Variants in GRIA1 observed in about 807,000 individuals in gnomAD.
The protein encoded by GRIA1 is glutamate receptor 1.
GRIA1 carries 31 observed loss-of-function variants against 99.2 expected under a neutral mutation model. The ratio of observed to expected loss-of-function variants is 0.31; its 90% CI spans 0.23 to 0.42. The LOEUF is 0.42. GRIA1 is among the 10% of genes least tolerant of loss of function. The pLI is 1.00. For missense variants in GRIA1, 782 were observed against 1,157.5 expected (o/e 0.68, Z 4.71); for synonymous variants, 438 against 432.4 (o/e 1.01, Z -0.16).
At chr5:153,624,206 C>T (rs1006652261) in intron 2 of GRIA1, among the ~76,000 whole-genome samples, 1 of 152,174 alleles carries the variant, frequency 6.6e-6, no homozygotes, top group Admixed American at 6.5e-5. Flanking sequence ...AGAAGATGAC[C>T]TCCCCAAAAG....
intron 5 of GRIA1, among the ~76,000 whole-genome samples, chr5:153,672,180 A>G (rs1756236489): frequency 6.7e-6 from 1 of 150,006 alleles, no homozygotes; most frequent in South Asian, 2.1e-4. Flanking sequence ...AACTCACCTC[A>G]GGGTCATGCC....
In GRIA1 at chr5:153,673,321, C is replaced by G. The variant is rs78020863; in HGVS notation, c.700-1179C>G. ...AAGCATGACACTGCCCCTCCCCATCCTCTTACCTCACTTTATCCTTCATGG... is the reference window on the plus strand; with the variant it reads ...AAGCATGACACTGCCCCTCCCCATCGTCTTACCTCACTTTATCCTTCATGG... On this transcript the variant is annotated intron_variant, in intron 5 of 15. Transcript: ENST00000285900. Among the ~76,000 whole-genome samples the G allele has an allele frequency of 1.0e-3, 152 of 152,342 alleles. 1 individual carries two copies. The highest frequency in any genetic ancestry group is 3.6e-3 in the African/African-American group (149 of 41,586).
intron 2 of GRIA1, among the ~76,000 whole-genome samples, chr5:153,585,550 C>A (rs1763408710): frequency 6.6e-6 from 1 of 152,018 alleles, no homozygotes; most frequent in South Asian, 2.1e-4. Context: ...CTCAGGTGAT[C>A]CGCCCTCCTC....
intron 2 of GRIA1, among the ~76,000 whole-genome samples, chr5:153,580,918 A>G (rs1461972594): frequency 3.3e-5 from 5 of 152,186 alleles, no homozygotes; most frequent in African/African-American, 1.2e-4. Flanking sequence ...TCAACATTCT[A>G]ATAGGGCAGC....
At chr5:153,494,146 G>T in intron 2 of GRIA1, 81 bp downstream of exon 2, 1 of 1,459,514 alleles carries the variant, frequency 6.9e-7, no homozygotes, top group Non-Finnish European at 9.3e-7. Flanking sequence ...TGGTGGTGTT[G>T]CAAAAATGAC....
intron 2 of GRIA1, among the ~76,000 whole-genome samples, chr5:153,532,716 G>A (rs1758200075): frequency 6.6e-6 from 1 of 152,162 alleles, no homozygotes; most frequent in African/African-American, 2.4e-5. Flanking sequence ...ACCTTAACCT[G>A]AGGATCTTGG....
chr5:153,787,657 T>C (rs1267870296), intron 13 of GRIA1, among the ~76,000 whole-genome samples: 1 of 152,216 alleles, frequency 6.6e-6, no homozygotes, highest in African/African-American at 2.4e-5. Context: ...CATCCGTATA[T>C]GAATGCTTTA....
rs547366946 is a variant in GRIA1 at position 153,601,937 on chromosome 5, A to G, written c.221-44991A>G. 2.6e-5 allele frequency among the ~76,000 whole-genome samples: 4 copies of G among 152,346 alleles called. No homozygotes were observed. The South Asian group carries it at 8.3e-4, about 32-fold the overall frequency. On this transcript the variant is annotated intron_variant, in intron 2 of 15. Transcript: ENST00000285900. ...AGAAAGGAGAAGGAGGAACAATAGG[A>G]CAAAGTTGTTCTCTCATCCTCACTT...
chr5:153,671,321 C>T (rs1756156908), intron 5 of GRIA1, among the ~76,000 whole-genome samples: 1 of 152,190 alleles, frequency 6.6e-6, no homozygotes, highest in Non-Finnish European at 1.5e-5. Flanking sequence ...AATTTGACTG[C>T]AGGAGATACT....
intron 3 of GRIA1, among the ~76,000 whole-genome samples, chr5:153,648,729 G>A (rs189775667): frequency 6.6e-6 from 1 of 152,196 alleles, no homozygotes; most frequent in African/African-American, 2.4e-5. Flanking sequence ...ATACCATATT[G>A]GTCACTGTGG....
At chr5:153,777,841 A>G (rs958715509) in intron 13 of GRIA1, among the ~76,000 whole-genome samples, 4 of 152,060 alleles carry the variant, frequency 2.6e-5, no homozygotes, top group African/African-American at 9.7e-5. Context: ...TTCCCATAGT[A>G]TAGTACTGGT....
chr5:153,656,623 ATTC>A (rs1266285367), intron 5 of GRIA1, among the ~76,000 whole-genome samples: 1 of 151,750 alleles, frequency 6.6e-6, no homozygotes, highest in Non-Finnish European at 1.5e-5. Context: ...ATGAAGTTTA[ATTC>A]TTCTAGCTTT....
intron 10 of GRIA1, 38 bp downstream of exon 10, chr5:153,699,111 G>T (rs1356784123): frequency 2.1e-6 from 3 of 1,447,606 alleles, no homozygotes; most frequent in Non-Finnish European, 2.9e-6. Context: ...GAGGGCGGAG[G>T]CAGAGGGTTT....
intron 11 of GRIA1, among the ~76,000 whole-genome samples, chr5:153,750,968 C>T (rs1458855368): frequency 2.0e-5 from 3 of 152,056 alleles, no homozygotes; most frequent in Non-Finnish European, 4.4e-5. Context: ...GGCGTGGTGG[C>T]GCATACCTGT....
At chr5:153,496,758 A>T (rs1294346194) in intron 2 of GRIA1, among the ~76,000 whole-genome samples, 1 of 152,210 alleles carries the variant, frequency 6.6e-6, no homozygotes, top group African/African-American at 2.4e-5. Context: ...GATACATGGA[A>T]AAGCAAGAAA....
chr5:153,720,811 T>G (rs1224054866), intron 11 of GRIA1, among the ~76,000 whole-genome samples: 1 of 152,214 alleles, frequency 6.6e-6, no homozygotes, highest in Non-Finnish European at 1.5e-5. Context: ...TGAGCCCTCA[T>G]GGCCAGTTCT....
chr5:153,649,182 C>A (rs1452346810), intron 3 of GRIA1, among the ~76,000 whole-genome samples: 1 of 152,226 alleles, frequency 6.6e-6, no homozygotes, highest in African/African-American at 2.4e-5. Context: ...CTTTAGACAC[C>A]AACACAGCCC....
intron 2 of GRIA1, among the ~76,000 whole-genome samples, chr5:153,501,971 G>T (rs1755052166): frequency 6.6e-6 from 1 of 152,180 alleles, no homozygotes; most frequent in Non-Finnish European, 1.5e-5. Context: ...ACAACTCAGT[G>T]GTCTTCAAAT....
chr5:153,768,651 A>G (rs1763676413), intron 12 of GRIA1, among the ~76,000 whole-genome samples: 1 of 152,204 alleles, frequency 6.6e-6, no homozygotes, highest in Non-Finnish European at 1.5e-5. Context: ...ATTGTAGATC[A>G]ATATCTTACC....
Sources: gnomAD v4.1 joint callset for allele counts (sites outside exome capture counted in the v4.1 genomes callset) on GRCh38, gnomAD v4.1.1 for gene constraint, MANE v1.5 for transcripts, NCBI Gene and HGNC (gene_info 2026-07-23, HGNC 2026-07-21) for gene names.